Variants in POU2F3 observed in about 807,000 individuals in gnomAD.
The protein encoded by POU2F3 is POU class 2 homeobox 3.
In POU2F3, 23 loss-of-function variants were observed where a neutral mutation model predicts 59.2. The observed-to-expected ratio is 0.39, with a 90% confidence interval of 0.28 to 0.55. POU2F3 has a LOEUF of 0.55. Among genes scored for constraint, POU2F3 ranks in the 20% least tolerant of loss-of-function variants. POU2F3 has a pLI of 0.66. For synonymous variants in POU2F3, 190 were observed against 214.6 expected, an observed-to-expected ratio of 0.89 and a Z score of 1.00; for missense variants, 473 against 544.5, an observed-to-expected ratio of 0.87 and a Z score of 1.31.
intron 3 of POU2F3, among the ~76,000 whole-genome samples, chr11:120,297,453 T>C (rs536160492): frequency 6.6e-6 from 1 of 152,210 alleles, no homozygotes; most frequent in South Asian, 2.1e-4. Flanking sequence ...GCAAAGACTG[T>C]CACTAAAGCC....
intron 8 of POU2F3, among the ~76,000 whole-genome samples, chr11:120,306,825 G>C (rs1361929086): frequency 1.3e-5 from 2 of 152,136 alleles, no homozygotes; most frequent in Admixed American, 6.5e-5. Flanking sequence ...CTGTCCCTTA[G>C]ACAGCCTTTA....
chr11:120,240,162 CGA>C lies in POU2F3; in HGVS notation c.-180_-179del. On this transcript the variant is annotated 5_prime_UTR_variant, in exon 1 of 13. Coordinates refer to ENST00000543440, the MANE Select transcript of POU2F3 (RefSeq NM_014352.4). ...GGGAGTGTGGCAATCCTGGCGGCGC[CGA>C]GTGTTGCCCGGGCCGGAGCAGCGGA... is the stretch of plus-strand genomic sequence containing the variant. 8.3e-7 allele frequency: 1 copy of C among 1,210,040 alleles called. No homozygotes were observed. The allele number at this position is 1,210,040 out of a possible 1,614,324, so 75.0% of individuals were successfully genotyped here.
chr11:120,318,329 G>T, intron 12 of POU2F3, 24 bp from the exon 13 acceptor site: 1 of 1,588,464 alleles, frequency 6.3e-7, no homozygotes, highest in Non-Finnish European at 8.6e-7. Context: ...TTAGCTTTAG[G>T]ATTGACTTCT....
intron 2 of POU2F3, chr11:120,258,988 C>T (rs1383075415): frequency 6.6e-6 from 1 of 152,248 alleles, no homozygotes; most frequent in African/African-American, 2.4e-5. Flanking sequence ...CCTTCCCTTT[C>T]TCAAAAAATG....
chr11:120,275,795 T>G (rs1262169348), intron 3 of POU2F3, among the ~76,000 whole-genome samples: 1 of 152,202 alleles, frequency 6.6e-6, no homozygotes, highest in Admixed American at 6.5e-5. Flanking sequence ...CATGCCTGTT[T>G]CTGGACACCT....
At chr11:120,318,302 C>T in intron 12 of POU2F3, 51 bp from the exon 13 acceptor site, 1 of 1,535,390 alleles carries the variant, frequency 6.5e-7, no homozygotes, top group Non-Finnish European at 9.0e-7. Flanking sequence ...CCATTCCCAT[C>T]TTACGCCATC....
chr11:120,254,368 C>G (rs1939245301), intron 2 of POU2F3, among the ~76,000 whole-genome samples: 1 of 152,172 alleles, frequency 6.6e-6, no homozygotes. Context: ...TAGAGGCAGT[C>G]TCTTTTCTGG....
intron 6 of POU2F3, among the ~76,000 whole-genome samples, chr11:120,304,790 G>A (rs1477337646): frequency 6.6e-6 from 1 of 151,742 alleles, no homozygotes; most frequent in African/African-American, 2.4e-5. Context: ...TCCCTATCCT[G>A]CACTCCTGAT....
intron 1 of POU2F3, among the ~76,000 whole-genome samples, chr11:120,242,800 A>G (rs1938720737): frequency 6.6e-6 from 1 of 152,182 alleles, no homozygotes; most frequent in Non-Finnish European, 1.5e-5. Context: ...TGGAAGCACA[A>G]AGACCTGAGC....
intron 3 of POU2F3, among the ~76,000 whole-genome samples, chr11:120,295,800 T>C (rs986417400): frequency 6.6e-6 from 1 of 152,178 alleles, no homozygotes; most frequent in Non-Finnish European, 1.5e-5. Context: ...GTTTTCTGAA[T>C]GTCTGACTCT....
chr11:120,277,741 C>A (rs1390792288), intron 3 of POU2F3, among the ~76,000 whole-genome samples: 1 of 152,104 alleles, frequency 6.6e-6, no homozygotes, highest in Non-Finnish European at 1.5e-5. Context: ...GAGATCACAC[C>A]ACTGCACTCC....
In POU2F3 at chr11:120,309,523, G is replaced by A. The variant is rs1941596710; in HGVS notation, c.1005G>A (p.Lys335=). Residue 335 remains lysine, a synonymous_variant, in exon 10 of 13, where the codon AAG becomes AAA. Coordinates refer to ENST00000543440, the MANE Select transcript of POU2F3 (RefSeq NM_014352.4). ...TCTGGTTCTGCAACCGACGCCAAAAGGAGAAGCGAATCAACTGCCCTGTGG... is the reference window on the plus strand; with the variant it reads ...TCTGGTTCTGCAACCGACGCCAAAAAGAGAAGCGAATCAACTGCCCTGTGG... ...VRVWFCNRRQ[K]EKRINCPVAT... 7 of 1,614,078 alleles carry A rather than the reference G, an allele frequency of 4.3e-6. No homozygotes were observed. The East Asian group carries it at 1.6e-4, about 36-fold the overall frequency.
Position 120,317,350 on chromosome 11 carries a change from T to G in POU2F3, c.1257T>G (p.Ser419Arg), listed in dbSNP as rs776265284. The G allele has an allele frequency of 6.2e-7, 1 of 1,613,904 alleles. No homozygotes were observed. The highest frequency in any genetic ancestry group is 8.5e-7 in the Non-Finnish European group (1 of 1,179,990). ...AAGCAGCAGTGAACTCCGCCTCCAG[T>G]TTTAACTCTTCAGGGTAAGGTGAAG... ...NSKAAVNSAS[S>R]FNSSGSWYRW... The change falls in exon 12 of 13, where the codon AGT (serine) becomes AGG (arginine). Residue 419 changes from serine (S) to arginine (R), a missense_variant. Coordinates refer to ENST00000543440, the MANE Select transcript of POU2F3 (RefSeq NM_014352.4).
At chr11:120,300,313 C>T (rs1275580379) in intron 5 of POU2F3, among the ~76,000 whole-genome samples, 1 of 152,202 alleles carries the variant, frequency 6.6e-6, no homozygotes, top group Non-Finnish European at 1.5e-5. Flanking sequence ...AGTAATTTTT[C>T]TGACATTCCT....
At chr11:120,284,849 CCT>C (rs1233456600) in intron 3 of POU2F3, among the ~76,000 whole-genome samples, 14 of 152,294 alleles carry the variant, frequency 9.2e-5, no homozygotes, top group African/African-American at 2.6e-4. Flanking sequence ...CCGTCTGTCC[CCT>C]GTTCTCAGCA....
intron 3 of POU2F3, among the ~76,000 whole-genome samples, chr11:120,277,440 G>A (rs1940379271): frequency 6.6e-6 from 1 of 152,058 alleles, no homozygotes; most frequent in Non-Finnish European, 1.5e-5. Flanking sequence ...CTCTTGTAAT[G>A]AGGCTCCTGT....
chr11:120,298,412 T>C (rs931634174), intron 4 of POU2F3, 22 bp downstream of exon 4: 1 of 1,612,744 alleles, frequency 6.2e-7, no homozygotes, highest in African/African-American at 1.3e-5. Flanking sequence ...ATTTTCACAG[T>C]GGGCCAGTGT....
intron 3 of POU2F3, among the ~76,000 whole-genome samples, chr11:120,291,697 T>C (rs914311067): frequency 5.3e-5 from 8 of 152,246 alleles, no homozygotes; most frequent in African/African-American, 1.7e-4. Context: ...CTTAATGTCT[T>C]TAAGCCTCAG....
intron 2 of POU2F3, among the ~76,000 whole-genome samples, chr11:120,266,757 C>A (rs919546414): frequency 1.6e-4 from 25 of 152,188 alleles, no homozygotes. Context: ...CCTTACAGTG[C>A]CTTCTTGTTC....
Sources: allele counts gnomAD v4.1 joint callset (sites outside exome capture counted in the v4.1 genomes callset), GRCh38; gene constraint gnomAD v4.1.1; transcripts MANE v1.5; gene names NCBI Gene and HGNC (gene_info 2026-07-23, HGNC 2026-07-21).